RGS6: variants seen among roughly 807,000 people sequenced by gnomAD.
RGS6 encodes the protein regulator of G-protein signaling 6.
Under a neutral mutation model 78.5 loss-of-function variants are expected in RGS6, and 30 were observed. That is an observed-to-expected ratio of 0.38 (90% CI 0.29 to 0.52). The LOEUF is 0.52. RGS6 is among the 20% of genes least tolerant of loss of function. The probability of loss-of-function intolerance (pLI) is 0.85; values close to 1 mark genes in which losing one functional copy is unlikely to be tolerated. For missense variants in RGS6, 495 were observed against 609.7 expected (o/e 0.81, Z 1.98); for synonymous variants, 206 against 206.0 (o/e 1.00, Z 0.00).
intron 2 of RGS6, among the ~76,000 whole-genome samples, chr14:72,271,170 C>T (rs896640153): frequency 6.6e-6 from 1 of 152,112 alleles, no homozygotes; most frequent in African/African-American, 2.4e-5. Context: ...TGTTCTCATG[C>T]TGCCAATAAA....
chr14:72,533,199 C>T (rs774103483), intron 15 of RGS6, among the ~76,000 whole-genome samples: 38 of 152,310 alleles, frequency 2.5e-4, no homozygotes, highest in Middle Eastern at 3.4e-3. Context: ...AAGAATGATG[C>T]TAAATATATT....
intron 3 of RGS6, among the ~76,000 whole-genome samples, chr14:72,415,500 G>A (rs992409959): frequency 6.6e-6 from 1 of 152,248 alleles, no homozygotes; most frequent in Non-Finnish European, 1.5e-5. Context: ...ATGAGGCGAT[G>A]CCTCGCCCTG....
intron 2 of RGS6, among the ~76,000 whole-genome samples, chr14:72,234,417 GAA>G (rs141834761): frequency 1.5e-3 from 228 of 147,260 alleles, no homozygotes; most frequent in African/African-American, 5.4e-3. Flanking sequence ...TTTGTGAGAA[GAA>G]AAAAAAAACA....
rs142927305 is a variant in RGS6, at chr14:72,428,741, A to G, written c.185-25787A>G. On this transcript the variant is annotated intron_variant, in intron 3 of 17. Transcript: ENST00000553525. ...TTTGAGAATAGAAGGCCCGGTGGGT[A>G]CAACCTGTAGCACTTTCAATCCTGT... Among the ~76,000 whole-genome samples the G allele has an allele frequency of 4.7e-4, 72 of 152,366 alleles. No homozygotes were observed. The East Asian group carries it at 0.013, about 29-fold the overall frequency.
chr14:71,878,611 TC>T, the RGS6 span, among the ~76,000 whole-genome samples: 1 of 152,198 alleles, frequency 6.6e-6, no homozygotes, highest in Non-Finnish European at 1.5e-5. Flanking sequence ...GAAAGGGAAT[TC>T]CCTGACCCCT....
At chr14:71,986,130 G>T (rs895764656) in intron 2 of RGS6, among the ~76,000 whole-genome samples, 1 of 152,114 alleles carries the variant, frequency 6.6e-6, no homozygotes, top group African/African-American at 2.4e-5. Flanking sequence ...GTCCTCTTGG[G>T]TAATGCTTTT....
intron 2 of RGS6, among the ~76,000 whole-genome samples, chr14:72,251,993 C>T (rs1366785251): frequency 6.6e-6 from 1 of 152,220 alleles, no homozygotes; most frequent in Non-Finnish European, 1.5e-5. Flanking sequence ...TTCAATTCCT[C>T]ATTTATTCCC....
At chr14:72,146,401 T>G (rs2096607680) in intron 2 of RGS6, among the ~76,000 whole-genome samples, 1 of 152,144 alleles carries the variant, frequency 6.6e-6, no homozygotes, top group Admixed American at 6.5e-5. Flanking sequence ...TACCAATTGC[T>G]CTAAAAATCT....
At chr14:72,295,453 G>A (rs1313958283) in intron 2 of RGS6, among the ~76,000 whole-genome samples, 2 of 152,122 alleles carry the variant, frequency 1.3e-5, no homozygotes, top group Non-Finnish European at 2.9e-5. Flanking sequence ...AGAGAGAGCT[G>A]CTGAGACTCC....
At chr14:72,313,083 C>G (rs2069060579) in intron 2 of RGS6, among the ~76,000 whole-genome samples, 1 of 152,200 alleles carries the variant, frequency 6.6e-6, no homozygotes, top group South Asian at 2.1e-4. Flanking sequence ...CCCTTACTAG[C>G]TGGGTGGGAT....
intron 2 of RGS6, among the ~76,000 whole-genome samples, chr14:72,348,029 G>A (rs2152717875): frequency 6.6e-6 from 1 of 152,310 alleles, no homozygotes; most frequent in East Asian, 1.9e-4. Flanking sequence ...GGGATCCACA[G>A]CAAACAAAGC....
At chr14:72,078,360 C>T (rs1268536478) in intron 2 of RGS6, among the ~76,000 whole-genome samples, 2 of 152,020 alleles carry the variant, frequency 1.3e-5, no homozygotes, top group African/African-American at 4.8e-5. Flanking sequence ...TCAATTAAAT[C>T]TTCCTTTATA....
At chr14:72,353,002 A>G (rs180769838) in intron 3 of RGS6, among the ~76,000 whole-genome samples, 8 of 152,342 alleles carry the variant, frequency 5.3e-5, no homozygotes, top group African/African-American at 1.9e-4. Context: ...AGTTTTCACT[A>G]TATACCTTTT....
intron 3 of RGS6, among the ~76,000 whole-genome samples, chr14:72,412,577 C>T (rs989362901): frequency 1.3e-4 from 20 of 152,130 alleles, no homozygotes; most frequent in Non-Finnish European, 2.2e-4. Context: ...TTCAGTTCTC[C>T]TCTGATCTTA....
chr14:71,902,075 G>GAAAA, the RGS6 span, among the ~76,000 whole-genome samples: 3 of 151,252 alleles, frequency 2.0e-5, no homozygotes, highest in Non-Finnish European at 4.4e-5. Context: ...ATTCTGAGGA[G>GAAAA]AAAAAACCTG....
At chr14:72,548,418 C>G (rs1214093394) in intron 17 of RGS6, among the ~76,000 whole-genome samples, 1 of 150,630 alleles carries the variant, frequency 6.6e-6, no homozygotes, top group African/African-American at 2.5e-5. Flanking sequence ...GTAGCCTTTC[C>G]TAAAAATCAA....
chr14:72,019,405 A>C (rs1345661191), intron 2 of RGS6, among the ~76,000 whole-genome samples: 1 of 152,212 alleles, frequency 6.6e-6, no homozygotes, highest in Non-Finnish European at 1.5e-5. Context: ...GAGAATTAGC[A>C]ATTTTTTTCA....
At chr14:72,555,013 G>A (rs2097551577) in intron 17 of RGS6, among the ~76,000 whole-genome samples, 1 of 152,206 alleles carries the variant, frequency 6.6e-6, no homozygotes, top group Admixed American at 6.5e-5. Flanking sequence ...TGATGAGCAT[G>A]GTGAGGCCAG....
chr14:72,157,568 G>A (rs541355092), intron 2 of RGS6, among the ~76,000 whole-genome samples: 1 of 152,258 alleles, frequency 6.6e-6, no homozygotes, highest in East Asian at 1.9e-4. Flanking sequence ...GTGATAAGAT[G>A]TTTGTTCTCT....
Sources: allele counts gnomAD v4.1 joint callset (sites outside exome capture counted in the v4.1 genomes callset), GRCh38; gene constraint gnomAD v4.1.1; transcripts MANE v1.5; gene names NCBI Gene and HGNC (gene_info 2026-07-23, HGNC 2026-07-21).